The following NBEAL1 variants were observed in gnomAD, a reference collection of about 807,000 sequenced individuals.
NBEAL1 encodes neurobeachin like 1, also known as neurobeachin-like protein 1.
In NBEAL1, 273 loss-of-function variants were observed where a neutral mutation model predicts 351.3. That is an observed-to-expected ratio of 0.78 (90% CI 0.70 to 0.86). The LOEUF (loss-of-function observed/expected upper bound fraction) is 0.86, where lower values mean the gene tolerates loss of function less well. Among genes scored for constraint, NBEAL1 ranks in the 40% least tolerant of loss-of-function variants. The pLI is 0.00. For missense variants in NBEAL1, 2,961 were observed against 3,201.3 expected (o/e 0.92, Z 1.81); for synonymous variants, 1,050 against 1,086.4 (o/e 0.97, Z 0.66).
intron 18 of NBEAL1, among the ~76,000 whole-genome samples, chr2:203,121,701 A>G (rs115531703): frequency 5.5e-4 from 83 of 150,228 alleles, no homozygotes; most frequent in African/African-American, 1.9e-3. Context: ...AGTTCTGCCT[A>G]TAGCTCATCT....
At chr2:203,117,794 A>G (rs888630383) in intron 18 of NBEAL1, among the ~76,000 whole-genome samples, 1 of 149,690 alleles carries the variant, frequency 6.7e-6, no homozygotes, top group Non-Finnish European at 1.5e-5. Context: ...TAGTCCTCCC[A>G]CCTTCAGTCT....
chr2:203,030,076 T>A (rs1468193185), intron 2 of NBEAL1, among the ~76,000 whole-genome samples: 2 of 152,202 alleles, frequency 1.3e-5, no homozygotes, highest in Non-Finnish European at 2.9e-5. Flanking sequence ...AGCTTAATAG[T>A]TACAGAAGAT....
chr2:203,176,023 A>G (rs902152720), intron 42 of NBEAL1, among the ~76,000 whole-genome samples: 1 of 152,210 alleles, frequency 6.6e-6, no homozygotes, highest in African/African-American at 2.4e-5. Context: ...CCCTCAGATC[A>G]CTAAACATCC....
chr2:203,112,245 A>G (rs2062590302), intron 16 of NBEAL1, 147 bp downstream of exon 16: 2 of 768,770 alleles, frequency 2.6e-6, no homozygotes, highest in African/African-American at 3.6e-5. Flanking sequence ...ACACATTAAT[A>G]TTCAATTCTG....
In NBEAL1 at chr2:203,218,899, C is replaced by A. The variant is rs761377320; in HGVS notation, c.*1545C>A. The A allele has an allele frequency of 2.2e-4, 33 of 152,000 alleles. No homozygotes were observed. The highest frequency in any genetic ancestry group is 4.6e-4 in the Non-Finnish European group (31 of 68,012). 9.4% of individuals were successfully genotyped at this position (152,000 alleles called of 1,614,324 possible). ...CTCTGTTTTATTAAGGAAAAAATAG[C>A]TATGTTTTAGGTAAATAACTCTGAA... On this transcript the variant is annotated 3_prime_UTR_variant, in exon 56 of 56. Transcript: ENST00000683969.
chr2:203,059,969 T>C (rs770180485), intron 6 of NBEAL1, among the ~76,000 whole-genome samples: 1 of 152,244 alleles, frequency 6.6e-6, no homozygotes, highest in Non-Finnish European at 1.5e-5. Context: ...CAGAGATTTC[T>C]CTAAGGAAAG....
chr2:203,210,515 T>G (rs2065757421), intron 53 of NBEAL1, among the ~76,000 whole-genome samples: 1 of 151,758 alleles, frequency 6.6e-6, no homozygotes, highest in African/African-American at 2.4e-5. Flanking sequence ...CAAAAAAAGA[T>G]TAGCTGGGCG....
intron 35 of NBEAL1, among the ~76,000 whole-genome samples, chr2:203,154,125 A>G (rs2063735144): frequency 6.8e-6 from 1 of 146,292 alleles, no homozygotes; most frequent in South Asian, 2.1e-4. Flanking sequence ...AGTCCCAGAT[A>G]CTTGGGAGGC....
chr2:203,172,082 A>G (rs1269153495), intron 40 of NBEAL1, 59 bp downstream of exon 40: 1 of 852,020 alleles, frequency 1.2e-6, no homozygotes, highest in African/African-American at 1.7e-5. Flanking sequence ...TAAATCACAT[A>G]AGTATATACA....
At chr2:203,148,967 C>A in intron 33 of NBEAL1, 24 bp from the exon 34 acceptor site, 2 of 1,586,798 alleles carry the variant, frequency 1.3e-6, no homozygotes, top group South Asian at 1.2e-5. Flanking sequence ...AGTCAATGAC[C>A]TTACTTTTTA....
At chr2:203,151,193 T>C (rs751347902) in intron 34 of NBEAL1, among the ~76,000 whole-genome samples, 4 of 152,036 alleles carry the variant, frequency 2.6e-5, no homozygotes, top group African/African-American at 4.8e-5. Context: ...TAGCTGGGCG[T>C]AGGGGCACAT....
At chr2:203,110,063 A>T in intron 14 of NBEAL1, 87 bp from the exon 15 acceptor site, 1 of 1,289,986 alleles carries the variant, frequency 7.8e-7, no homozygotes, top group East Asian at 2.6e-5. Flanking sequence ...AAAGATGTTC[A>T]TGATGGCTTT....
Position 203,118,647 on chromosome 2 carries a change from A to T in NBEAL1, c.2592+2577A>T, listed in dbSNP as rs533896205. ...CGCTCTCTCACCCAGGCTGGAGTGC[A>T]GTGGCGCAATCTTGGCTCACTGCAG... is the stretch of plus-strand genomic sequence containing the variant. On this transcript the variant is annotated intron_variant, in intron 18 of 55. Transcript: ENST00000683969. Among the ~76,000 whole-genome samples the T allele has an allele frequency of 2.7e-5, 4 of 150,014 alleles. No individual in the cohort carries two copies. The East Asian group carries it at 7.8e-4, about 29-fold the overall frequency.
chr2:203,044,986 A>G (rs114891045), intron 3 of NBEAL1, among the ~76,000 whole-genome samples: 2 of 152,322 alleles, frequency 1.3e-5, no homozygotes, highest in African/African-American at 4.8e-5. Context: ...TTTGAACAGT[A>G]AAGTCCTAGA....
chr2:203,127,636 C>T (rs192226790), intron 23 of NBEAL1, 145 bp from the exon 24 acceptor site: 258 of 419,238 alleles, frequency 6.2e-4, no homozygotes, highest in East Asian at 1.2e-3. Flanking sequence ...GCAGGAGAAT[C>T]GCTTGAACCC....
rs372127013 is a variant in NBEAL1, at chr2:203,114,064, C to T, written c.2506+746C>T. ...GTCTCGATCTCCTGACCTTGTGATC[C>T]GCCCACCTCAGCCTCCCAAAGTGCT... On this transcript the variant is annotated intron_variant, in intron 17 of 55. Coordinates refer to ENST00000683969, the MANE Select transcript of NBEAL1 (RefSeq NM_001378026.1). Among the ~76,000 whole-genome samples the T allele has an allele frequency of 1.1e-3, 168 of 152,164 alleles. 1 individual carries two copies. In the East Asian group the frequency reaches 0.012, roughly 11 times the overall value.
intron 42 of NBEAL1, among the ~76,000 whole-genome samples, chr2:203,177,361 G>A (rs560961924): frequency 2.1e-5 from 3 of 140,588 alleles, no homozygotes; most frequent in African/African-American, 8.0e-5. Flanking sequence ...ATAGTGAGAC[G>A]CCCATCTCTA....
chr2:203,206,706 C>G (rs1027189165), intron 51 of NBEAL1, among the ~76,000 whole-genome samples: 25 of 152,202 alleles, frequency 1.6e-4, no homozygotes, highest in Non-Finnish European at 3.2e-4. Flanking sequence ...CAGACGGAGT[C>G]TCCTTCACTC....
rs766212167 is a variant in NBEAL1 at position 203,084,463 on chromosome 2, A to G, written c.992A>G (p.Asn331Ser). The change falls in exon 10 of 56, where the codon AAT (asparagine) becomes AGT (serine). Residue 331 changes from asparagine to serine, a missense_variant and splice_region_variant. By Grantham distance (46) the Asn-to-Ser change is conservative. Coordinates refer to ENST00000683969, the MANE Select transcript of NBEAL1 (RefSeq NM_001378026.1). ...RFIALQIKML[N>S]TITAMLDCTD... ...GATGATTTTCTTTTTATTTTCCTAGATACCATCACAGCCATGTTAGATTGT... is the reference window on the plus strand; with the variant it reads ...GATGATTTTCTTTTTATTTTCCTAGGTACCATCACAGCCATGTTAGATTGT... The G allele has an allele frequency of 7.0e-7, 1 of 1,434,158 alleles. No individual in the cohort carries two copies. Among genetic ancestry groups the G allele is most frequent in the South Asian group, 1.5e-5 (1 of 66,622 alleles). The allele number at this position is 1,434,158 out of a possible 1,614,324, so 88.8% of individuals were successfully genotyped here.
Sources: gnomAD v4.1 joint callset for allele counts (sites outside exome capture counted in the v4.1 genomes callset) on GRCh38, gnomAD v4.1.1 for gene constraint, MANE v1.5 for transcripts, NCBI Gene and HGNC (gene_info 2026-07-23, HGNC 2026-07-21) for gene names.